MAP3K13: variants seen among roughly 807,000 people sequenced by gnomAD.
MAP3K13 encodes the protein leucine zipper-bearing kinase.
A neutral mutation model predicts 104.0 loss-of-function variants in MAP3K13; 52 were observed. That is an observed-to-expected ratio of 0.50 (90% CI 0.40 to 0.63). The LOEUF is 0.63. MAP3K13 is among the 20% of genes least tolerant of loss of function. The probability of loss-of-function intolerance (pLI) is 0.00; values close to 1 mark genes in which losing one functional copy is unlikely to be tolerated. For synonymous variants in MAP3K13, 394 were observed against 442.2 expected (o/e 0.89, Z 1.37); for missense variants, 914 against 1,218.5 (o/e 0.75, Z 3.72).
chr3:185,472,877 G>C (rs1480919330), intron 10 of MAP3K13, 98 bp from the exon 11 acceptor site: 6 of 1,124,336 alleles, frequency 5.3e-6, no homozygotes, highest in Non-Finnish European at 7.8e-6. Flanking sequence ...GATGACTGCT[G>C]ATTCAAAGGC....
chr3:185,447,864 C>A lies in MAP3K13; in HGVS notation c.927C>A (p.Thr309=). 6.2e-7 allele frequency: 1 copy of A among 1,613,684 alleles called. No homozygotes were observed. Among genetic ancestry groups the A allele is most frequent in the Non-Finnish European group, 8.5e-7 (1 of 1,179,776 alleles). Residue 309 remains threonine, a synonymous_variant, in exon 5 of 14, where the codon ACC becomes ACA. Coordinates refer to ENST00000265026, the MANE Select transcript of MAP3K13 (RefSeq NM_004721.5). The part of the protein sequence containing the change: ...GTSKELSDKS[T]KMSFAGTVAW... ...CTAAGGAACTCAGTGACAAAAGTAC[C>A]AAGATGTCATTTGCTGGCACGGTCG...
intron 1 of MAP3K13, among the ~76,000 whole-genome samples, chr3:185,390,166 C>G (rs1436898006): frequency 1.3e-5 from 2 of 152,170 alleles, no homozygotes; most frequent in Non-Finnish European, 2.9e-5. Context: ...CCAGAGCATA[C>G]TATAAGCACC....
rs565897657 is a variant in MAP3K13 at position 185,437,382 on chromosome 3, G to A, written c.476-65G>A. 8.3e-6 allele frequency: 12 copies of A among 1,448,582 alleles called. No homozygotes were observed. The East Asian group carries it at 2.8e-4, about 33-fold the overall frequency. 89.7% of individuals were successfully genotyped at this position (1,448,582 alleles called of 1,614,324 possible). A position where few individuals can be genotyped will look rare whatever the true frequency, so the allele number is the denominator to read the frequency against. On this transcript the variant is annotated intron_variant, in intron 2 of 13. Coordinates refer to ENST00000265026, the MANE Select transcript of MAP3K13 (RefSeq NM_004721.5). ...GGTGACGATGAAGTTGGTACCTTCA[G>A]AATGGCCTTGTAGAGTGGTCCCTTC...
At chr3:185,435,608 AT>A (rs1255811570) in intron 2 of MAP3K13, among the ~76,000 whole-genome samples, 1 of 152,206 alleles carries the variant, frequency 6.6e-6, no homozygotes, top group African/African-American at 2.4e-5. Flanking sequence ...CATTTATTCA[AT>A]TTCAGTAGAG....
rs1449602906 is a variant in MAP3K13, at chr3:185,451,218, A to T, written c.1170-69A>T. ...TTGAAGTAAACAATCTTCTTCATAA[A>T]GTAAAATAAAATCTTCATTCTCCTG... On this transcript the variant is annotated intron_variant, in intron 6 of 13. Coordinates refer to ENST00000265026, the MANE Select transcript of MAP3K13 (RefSeq NM_004721.5). 4.5e-6 allele frequency: 5 copies of T among 1,120,952 alleles called. No individual in the cohort carries two copies. In the African/African-American group the frequency reaches 7.8e-5, roughly 17 times the overall value. 69.4% of individuals were successfully genotyped at this position (1,120,952 alleles called of 1,614,324 possible). A position where few individuals can be genotyped will look rare whatever the true frequency, so the allele number is the denominator to read the frequency against.
At chr3:185,384,591 TAA>T (rs1711572101) in intron 1 of MAP3K13, among the ~76,000 whole-genome samples, 1 of 152,182 alleles carries the variant, frequency 6.6e-6, no homozygotes, top group Admixed American at 6.5e-5. Flanking sequence ...CAACAGTGTA[TAA>T]GAGTTTCCCT....
chr3:185,482,211 C>T lies in MAP3K13; in HGVS notation c.2800-144C>T. The T allele has an allele frequency of 1.6e-6, 1 of 630,950 alleles. No individual in the cohort carries two copies. Among genetic ancestry groups the T allele is most frequent in the Non-Finnish European group, 2.9e-6 (1 of 350,778 alleles). 39.1% of individuals were successfully genotyped at this position (630,950 alleles called of 1,614,324 possible). A position where few individuals can be genotyped will look rare whatever the true frequency, so the allele number is the denominator to read the frequency against. ...ATAATCATCATGTGTTTTCTTTCTC[C>T]ATAAGTCCCACAAGGACAGGACCTG... On this transcript the variant is annotated intron_variant, in intron 13 of 13. Transcript: ENST00000265026. The surrounding 1 kb of genome is among the most constrained non-coding windows in gnomAD (Gnocchi z 4.5).
intron 10 of MAP3K13, among the ~76,000 whole-genome samples, chr3:185,468,206 T>A (rs1717571372): frequency 6.6e-6 from 1 of 152,266 alleles, no homozygotes; most frequent in Admixed American, 6.5e-5. Context: ...TCACTCATCA[T>A]GGAAACAAAA....
upstream of MAP3K13, among the ~76,000 whole-genome samples, chr3:185,362,478 T>G (rs1723669116): frequency 1.3e-5 from 2 of 152,188 alleles, no homozygotes; most frequent in Admixed American, 6.5e-5. Context: ...GTACCCTACT[T>G]AAAAGTAGCA....
chr3:185,466,667 G>A (rs765107128), intron 9 of MAP3K13, among the ~76,000 whole-genome samples, 159 bp from the exon 10 acceptor site: 2 of 152,084 alleles, frequency 1.3e-5, no homozygotes, highest in Non-Finnish European at 2.9e-5. Flanking sequence ...CTGAGCCACC[G>A]AGCCCGGCTG....
chr3:185,452,772 T>C (rs986167615), intron 7 of MAP3K13, among the ~76,000 whole-genome samples: 2 of 152,168 alleles, frequency 1.3e-5, no homozygotes, highest in Admixed American at 1.3e-4. Flanking sequence ...ACGTGGCCTC[T>C]ATCCCTCCAG....
intron 2 of MAP3K13, among the ~76,000 whole-genome samples, chr3:185,356,520 C>T (rs2108736415): frequency 6.6e-6 from 1 of 152,312 alleles, no homozygotes; most frequent in East Asian, 1.9e-4. Context: ...TTTCCTTTAT[C>T]TCTGGTCTGC....
intron 2 of MAP3K13, chr3:185,291,597 T>G (rs1156772418): frequency 5.3e-6 from 8 of 1,502,792 alleles, no homozygotes. Context: ...TTTTTGTGTT[T>G]TGTTTTGTTT....
intron 1 of MAP3K13, among the ~76,000 whole-genome samples, chr3:185,417,069 G>T (rs1713824268): frequency 6.6e-6 from 1 of 151,896 alleles, no homozygotes; most frequent in African/African-American, 2.4e-5. Context: ...GAGAGGAAAT[G>T]GTTACAAAAT....
intron 11 of MAP3K13, among the ~76,000 whole-genome samples, chr3:185,475,424 G>A (rs538288948): frequency 6.6e-6 from 1 of 152,334 alleles, no homozygotes; most frequent in Admixed American, 6.5e-5. Context: ...GGTATAAAAT[G>A]TAATGAGTAT....
intron 2 of MAP3K13, among the ~76,000 whole-genome samples, chr3:185,349,638 G>C (rs1577451562): frequency 1.3e-5 from 2 of 152,306 alleles, no homozygotes; most frequent in Non-Finnish European, 1.5e-5. Flanking sequence ...TTCTGTATGT[G>C]AGACGTATTA....
intron 11 of MAP3K13, among the ~76,000 whole-genome samples, chr3:185,476,737 TTTAA>T (rs1165816810): frequency 2.0e-5 from 3 of 152,210 alleles, no homozygotes; most frequent in African/African-American, 7.2e-5. Context: ...AGCACTTTCT[TTTAA>T]TTGACAAACA....
intron 1 of MAP3K13, among the ~76,000 whole-genome samples, chr3:185,421,360 G>C (rs1432656110): frequency 2.7e-4 from 41 of 151,908 alleles, no homozygotes. Flanking sequence ...ACCATGCCCA[G>C]CTAATTTTTT....
Position 185,423,428 on chromosome 3 carries a change from G to A in MAP3K13, c.-85-5069G>A, listed in dbSNP as rs1714245609. ...AAAGAGATGAGGCAGGGCAAGGTCA[G>A]AGAGGCCAAAGGCAGGAGACAGCTC... On this transcript the variant is annotated intron_variant, in intron 1 of 13. Coordinates refer to ENST00000265026, the MANE Select transcript of MAP3K13 (RefSeq NM_004721.5). The surrounding 1 kb of genome is among the most constrained non-coding windows in gnomAD (Gnocchi z 4.1). Among the ~76,000 whole-genome samples the A allele has an allele frequency of 6.6e-6, 1 of 152,204 alleles. No individual in the cohort carries two copies. Among genetic ancestry groups the A allele is most frequent in the Non-Finnish European group, 1.5e-5 (1 of 68,046 alleles).
Sources: allele counts gnomAD v4.1 joint callset (sites outside exome capture counted in the v4.1 genomes callset), GRCh38; gene constraint gnomAD v4.1.1; non-coding constraint Gnocchi (gnomAD v3.1); transcripts MANE v1.5; gene names NCBI Gene and HGNC (gene_info 2026-07-23, HGNC 2026-07-21).